INPP4B: variants seen among roughly 807,000 people sequenced by gnomAD.
INPP4B encodes the protein inositol polyphosphate 4-phosphatase type II.
A neutral mutation model predicts 122.5 loss-of-function variants in INPP4B; 55 were observed. The ratio of observed to expected loss-of-function variants is 0.45; its 90% confidence interval spans 0.36 to 0.56. The LOEUF (loss-of-function observed/expected upper bound fraction) is 0.56, where lower values mean the gene tolerates loss of function less well. INPP4B is among the 20% of genes least tolerant of loss of function. The probability of loss-of-function intolerance (pLI) is 0.00; values close to 1 mark genes in which losing one functional copy is unlikely to be tolerated. For missense variants in INPP4B, 1,000 were observed against 1,097.7 expected, an observed-to-expected ratio of 0.91 and a Z score of 1.26; for synonymous variants, 403 against 388.7, an observed-to-expected ratio of 1.04 and a Z score of -0.43.
At chr4:142,118,324 A>T (rs540994025) in intron 21 of INPP4B, among the ~76,000 whole-genome samples, 2 of 150,834 alleles carry the variant, frequency 1.3e-5, no homozygotes, top group African/African-American at 2.5e-5. Context: ...AAAAAAGAGC[A>T]CGCATTGCCA....
chr4:142,730,222 G>T (rs535025740), intron 1 of INPP4B, among the ~76,000 whole-genome samples: 17 of 152,058 alleles, frequency 1.1e-4, no homozygotes, highest in Non-Finnish European at 1.9e-4. Context: ...AAGGTGATCT[G>T]GTTTATAAAT....
At chr4:142,298,549 A>G (rs954025762) in intron 9 of INPP4B, among the ~76,000 whole-genome samples, 2 of 151,688 alleles carry the variant, frequency 1.3e-5, no homozygotes, top group African/African-American at 4.8e-5. Flanking sequence ...GCCAGGCATG[A>G]TGGTGGGCGC....
intron 7 of INPP4B, among the ~76,000 whole-genome samples, chr4:142,393,994 A>G (rs1217279169): frequency 6.6e-6 from 1 of 152,202 alleles, no homozygotes; most frequent in Admixed American, 6.5e-5. Flanking sequence ...TCCTTTAACA[A>G]TACCCAGAAG....
chr4:142,152,981 A>T (rs142761215), intron 17 of INPP4B, among the ~76,000 whole-genome samples: 1 of 152,320 alleles, frequency 6.6e-6, no homozygotes, highest in Admixed American at 6.5e-5. Flanking sequence ...AAAAAAAACT[A>T]TACTATAAGA....
At chr4:142,839,721 G>A (rs1271800144) in intron 1 of INPP4B, among the ~76,000 whole-genome samples, 1 of 152,136 alleles carries the variant, frequency 6.6e-6, no homozygotes, top group African/African-American at 2.4e-5. Flanking sequence ...AAATGAGAAT[G>A]GCCACAATTT....
chr4:142,725,183 T>C (rs1215031100), intron 2 of INPP4B, among the ~76,000 whole-genome samples: 3 of 152,174 alleles, frequency 2.0e-5, no homozygotes, highest in Non-Finnish European at 4.4e-5. Context: ...TTAGAATATT[T>C]GCATGAGTTT....
chr4:142,248,710 G>T (rs1371205542), intron 11 of INPP4B, among the ~76,000 whole-genome samples: 1 of 151,878 alleles, frequency 6.6e-6, no homozygotes, highest in Non-Finnish European at 1.5e-5. Flanking sequence ...ATTATTTAAA[G>T]GGCCATGTGG....
At chr4:142,402,833 C>A in intron 7 of INPP4B, 105 bp downstream of exon 7, 1 of 730,736 alleles carries the variant, frequency 1.4e-6, no homozygotes, top group Non-Finnish European at 2.5e-6. Flanking sequence ...CAATCATGAA[C>A]ACGGTGCAAA....
rs929615143 is a variant in INPP4B, at chr4:142,027,377, C to T, written c.*1405G>A. The T allele has an allele frequency of 1.1e-4, 17 of 152,088 alleles. No individual in the cohort carries two copies. The highest frequency in any genetic ancestry group is 2.5e-4 in the Non-Finnish European group (17 of 68,000). 9.4% of individuals were successfully genotyped at this position (152,088 alleles called of 1,614,324 possible). ...TCCATTGATCATAGCTAAGAGAGGG[C>T]TTAAGAAGCCTCTGTTATTTTCAAG... is the stretch of plus-strand genomic sequence containing the variant. On this transcript the variant is annotated 3_prime_UTR_variant, in exon 26 of 26. Transcript: ENST00000262992.
chr4:142,724,839 A>G (rs1195103959), intron 2 of INPP4B, among the ~76,000 whole-genome samples: 1 of 152,122 alleles, frequency 6.6e-6, no homozygotes, highest in African/African-American at 2.4e-5. Context: ...GCTGATATCC[A>G]TTACATTTAA....
At chr4:142,086,023 C>G (rs1367802529) in intron 24 of INPP4B, 121 bp downstream of exon 24, 4 of 689,068 alleles carry the variant, frequency 5.8e-6, no homozygotes, top group Non-Finnish European at 7.8e-6. Flanking sequence ...AATCCATGGA[C>G]TAATAGAAGA....
chr4:142,434,474 G>C (rs1810009718), intron 3 of INPP4B, among the ~76,000 whole-genome samples: 2 of 152,150 alleles, frequency 1.3e-5, no homozygotes, highest in Non-Finnish European at 1.5e-5. Flanking sequence ...GGGTGGAAGA[G>C]AGCCCATCAA....
At chr4:142,808,898 A>T (rs1431382060) in intron 1 of INPP4B, among the ~76,000 whole-genome samples, 1 of 152,128 alleles carries the variant, frequency 6.6e-6, no homozygotes, top group Non-Finnish European at 1.5e-5. Context: ...TGTTATCCTA[A>T]ATAATTGTGG....
At chr4:142,810,186 AT>A (rs1779337408) in intron 1 of INPP4B, among the ~76,000 whole-genome samples, 3 of 151,530 alleles carry the variant, frequency 2.0e-5, no homozygotes, top group Non-Finnish European at 4.4e-5. Context: ...AAAAAAAAAA[AT>A]CAAATTGTAA....
chr4:142,126,971 A>G (rs1798887470), intron 18 of INPP4B, among the ~76,000 whole-genome samples: 1 of 152,168 alleles, frequency 6.6e-6, no homozygotes, highest in South Asian at 2.1e-4. Flanking sequence ...CCAGATGTAA[A>G]TTTTAAACGA....
At chr4:142,212,280 C>T (rs1408368933) in intron 12 of INPP4B, among the ~76,000 whole-genome samples, 3 of 152,128 alleles carry the variant, frequency 2.0e-5, no homozygotes, top group African/African-American at 7.2e-5. Flanking sequence ...AATCCAGCCA[C>T]AATATGCAAT....
chr4:142,287,583 T>C (rs1232700249), intron 9 of INPP4B: 1 of 152,166 alleles, frequency 6.6e-6, no homozygotes, highest in Non-Finnish European at 1.5e-5. Context: ...ACTTGGTATC[T>C]CTTGAAGCAG....
intron 5 of INPP4B, among the ~76,000 whole-genome samples, chr4:142,417,838 C>T (rs1806090674): frequency 1.3e-5 from 2 of 152,102 alleles, no homozygotes; most frequent in Admixed American, 1.3e-4. Context: ...CCCTGACTTC[C>T]CTCACGGGCA....
chr4:142,333,893 C>A (rs1353549081), intron 7 of INPP4B, among the ~76,000 whole-genome samples: 1 of 152,142 alleles, frequency 6.6e-6, no homozygotes, highest in African/African-American at 2.4e-5. Flanking sequence ...CATTCAAGAT[C>A]TACTCTCCTA....
Sources: gnomAD v4.1 joint callset for allele counts (sites outside exome capture counted in the v4.1 genomes callset) on GRCh38, gnomAD v4.1.1 for gene constraint, MANE v1.5 for transcripts, NCBI Gene and HGNC (gene_info 2026-07-23, HGNC 2026-07-21) for gene names.